The following MTFR1L variants were observed in gnomAD, a reference collection of about 807,000 sequenced individuals.
MTFR1L encodes the protein mitochondrial fission regulator 1 like, also known as mitochondrial fission regulator 1-like.
MTFR1L carries 10 observed loss-of-function variants against 27.9 expected under a neutral mutation model. That is an observed-to-expected ratio of 0.36 (90% confidence interval 0.22 to 0.61). The LOEUF is 0.61. MTFR1L is among the 20% of genes least tolerant of loss of function. The pLI is 0.73. For synonymous variants in MTFR1L, 151 were observed against 139.4 expected (o/e 1.08, Z -0.58); for missense variants, 315 against 363.7 (o/e 0.87, Z 1.09).
In MTFR1L at chr1:25,823,045, T is replaced by C; in HGVS notation, c.-60T>C. On this transcript the variant is annotated 5_prime_UTR_variant, in exon 2 of 7. Coordinates refer to ENST00000374303, the MANE Select transcript of MTFR1L (RefSeq NM_001099625.2). ...TGGCCTGATATGAAGGAGTCACGCC[T>C]CCCGCCTCCCGGAGCTGCCCAGTGG... 6.2e-7 allele frequency: 1 copy of C among 1,613,966 alleles called. No homozygotes were observed. Among genetic ancestry groups the C allele is most frequent in the Non-Finnish European group, 8.5e-7 (1 of 1,180,004 alleles).
In MTFR1L at chr1:25,826,585, A is replaced by AT; in HGVS notation, c.240-30_240-29insT. Reference sequence around the variant, plus strand: ...AGGAGCACAGTGGCCTGCTGTCTCTAACTGATCTACTTGGTTTTCCCTGGT... The same window carrying AT: ...AGGAGCACAGTGGCCTGCTGTCTCTATACTGATCTACTTGGTTTTCCCTGGT... On this transcript the variant is annotated intron_variant, in intron 4 of 6. Coordinates refer to ENST00000374303, the MANE Select transcript of MTFR1L (RefSeq NM_001099625.2). The surrounding 1 kb of genome is among the most constrained non-coding windows in gnomAD (Gnocchi z 4.1). 1.2e-6 allele frequency: 2 copies of AT among 1,613,510 alleles called. No homozygotes were observed. Among genetic ancestry groups the AT allele is most frequent in the Non-Finnish European group, 1.7e-6 (2 of 1,179,450 alleles).
At position 25,820,726 on chromosome 1, in the gene MTFR1L, C is replaced by T. The variant is rs528686254; in HGVS notation, c.-87+697C>T. ...TCTTCTAGCCAGTGACACTTGGGGG[C>T]GGGGGTGACAGCTGAGTTGGTGTTC... On this transcript the variant is annotated intron_variant, in intron 1 of 6. Transcript: ENST00000374303. 1.8e-3 allele frequency: 769 copies of T among 434,400 alleles called. 1 individual carries two copies. The highest frequency in any genetic ancestry group is 3.1e-3 in the Non-Finnish European group (681 of 219,100). 26.9% of individuals were successfully genotyped at this position (434,400 alleles called of 1,614,324 possible).
Position 25,820,354 on chromosome 1 carries a change from G to C in MTFR1L, c.-87+325G>C, listed in dbSNP as rs529776896. ...CGGAGGCTTCCGCGCACTCGGGTCCGGGTCCTGTGGGTCCAAGGGCCGCTG... is the reference window on the plus strand; with the variant it reads ...CGGAGGCTTCCGCGCACTCGGGTCCCGGTCCTGTGGGTCCAAGGGCCGCTG... On this transcript the variant is annotated intron_variant, in intron 1 of 6. Coordinates refer to ENST00000374303, the MANE Select transcript of MTFR1L (RefSeq NM_001099625.2). 1.8e-3 allele frequency: 819 copies of C among 455,708 alleles called. 2 individuals are homozygous for C. The highest frequency in any genetic ancestry group is 2.6e-3 in the South Asian group (165 of 64,496). 28.2% of individuals were successfully genotyped at this position (455,708 alleles called of 1,614,324 possible).
At chr1:25,825,228 G>A (rs2048152318) in intron 3 of MTFR1L, among the ~76,000 whole-genome samples, 1 of 152,118 alleles carries the variant, frequency 6.6e-6, no homozygotes, top group Admixed American at 6.6e-5. Context: ...AGCAGAAACA[G>A]TTGAATCTTA....
chr1:25,821,636 C>T, intron 1 of MTFR1L: 1 of 152,476 alleles, frequency 6.6e-6, no homozygotes, highest in Non-Finnish European at 1.5e-5. Context: ...GTCCAGGGCT[C>T]CCCAGTGACC....
Position 25,831,923 on chromosome 1 carries a change from A to C in MTFR1L, c.776A>C (p.Asn259Thr). The C allele has an allele frequency of 6.2e-7, 1 of 1,613,680 alleles. No homozygotes were observed. The highest frequency in any genetic ancestry group is 8.5e-7 in the Non-Finnish European group (1 of 1,179,566). Residue 259 changes from asparagine to threonine, a missense_variant and splice_region_variant, in exon 7 of 7, where the codon AAC (asparagine) becomes ACC (threonine). Transcript: ENST00000374303. ...TCAAGCTATTATTGTGTCTCTAGGAACCGGAGTTTATTGAAGGAGGAAGAC... is the reference window on the plus strand; with the variant it reads ...TCAAGCTATTATTGTGTCTCTAGGACCCGGAGTTTATTGAAGGAGGAAGAC... ...FHRMKQSQDL[N>T]RSLLKEEDPA...
At chr1:25,827,201 G>A (rs898462016) in intron 5 of MTFR1L, among the ~76,000 whole-genome samples, 3 of 150,764 alleles carry the variant, frequency 2.0e-5, no homozygotes, top group Admixed American at 6.6e-5. Flanking sequence ...GCAGTGGCAC[G>A]ATCTTAGTTC....
intron 1 of MTFR1L, chr1:25,820,494 C>T (rs776225557): frequency 2.1e-4 from 76 of 360,398 alleles, no homozygotes; most frequent in Non-Finnish European, 3.7e-4. Context: ...GGTCTCCGGC[C>T]ACTGCTGCGC....
In MTFR1L at chr1:25,826,153, A is replaced by G. The variant is rs2048164638; in HGVS notation, c.130-149A>G. On this transcript the variant is annotated intron_variant, in intron 3 of 6. Coordinates refer to ENST00000374303, the MANE Select transcript of MTFR1L (RefSeq NM_001099625.2). The surrounding 1 kb of genome is among the most constrained non-coding windows in gnomAD (Gnocchi z 4.1). ...CTGACTGTCATCTGGCCTCTGTTCA[A>G]TGTTTTCGACCAGGAACCTTCTTCT... 1 of 626,302 alleles carries G rather than the reference A, an allele frequency of 1.6e-6. No homozygotes were observed. The highest frequency in any genetic ancestry group is 2.8e-6 in the Non-Finnish European group (1 of 351,940). 38.8% of individuals were successfully genotyped at this position (626,302 alleles called of 1,614,324 possible).
chr1:25,827,287 C>T (rs1205752958), intron 5 of MTFR1L, among the ~76,000 whole-genome samples: 1 of 151,750 alleles, frequency 6.6e-6, no homozygotes, highest in Non-Finnish European at 1.5e-5. Flanking sequence ...AGGGGTGTGC[C>T]ACCAGGCCTG....
chr1:25,830,532 G>A (rs1557445630), intron 6 of MTFR1L, among the ~76,000 whole-genome samples: 1 of 152,180 alleles, frequency 6.6e-6, no homozygotes. Context: ...ATTGCATAGT[G>A]TTTCTCCAGT....
chr1:25,827,551 G>A (rs565695257), intron 5 of MTFR1L, among the ~76,000 whole-genome samples: 1 of 148,680 alleles, frequency 6.7e-6, no homozygotes, highest in Non-Finnish European at 1.5e-5. Context: ...AGCGATTCTC[G>A]TGCCTCAGCC....
intron 6 of MTFR1L, 86 bp downstream of exon 6, chr1:25,829,916 GTTC>G: frequency 1.0e-5 from 12 of 1,184,164 alleles, no homozygotes; most frequent in Non-Finnish European, 1.4e-5. Flanking sequence ...TACATAGTAA[GTTC>G]TTAGTAGTAC....
chr1:25,823,631 C>G lies in MTFR1L; in HGVS notation c.25-13C>G. On this transcript the variant is annotated splice_polypyrimidine_tract_variant and intron_variant, in intron 2 of 6. Transcript: ENST00000374303. ...TCTCTGGGGTTGTAGCTGTCTCCGT[C>G]TCTTTGCTCCAGACCATCCCAATCT... is the stretch of plus-strand genomic sequence containing the variant. 6.2e-7 allele frequency: 1 copy of G among 1,613,188 alleles called. No individual in the cohort carries two copies. Among genetic ancestry groups the G allele is most frequent in the African/African-American group, 1.3e-5 (1 of 75,018 alleles).
At chr1:25,822,867 TAA>T in intron 1 of MTFR1L, 150 bp from the exon 2 acceptor site, 1 of 27,240 alleles carries the variant, frequency 3.7e-5, no homozygotes, top group Non-Finnish European at 6.0e-5. Context: ...GACTTAGAGC[TAA>T]GTGTTGGGTG....
chr1:25,826,934 A>G lies in MTFR1L; in HGVS notation c.451+108A>G. On this transcript the variant is annotated intron_variant, in intron 5 of 6. Transcript: ENST00000374303. The surrounding 1 kb of genome is among the most constrained non-coding windows in gnomAD (Gnocchi z 4.1). ...GGTAATCCTTGGTTTGCAGGTACTT[A>G]GGTTCCGGGCCCTGGGGTTGTCCTG... is the stretch of plus-strand genomic sequence containing the variant. 7.9e-7 allele frequency: 1 copy of G among 1,269,368 alleles called. No individual in the cohort carries two copies. Among genetic ancestry groups the G allele is most frequent in the Non-Finnish European group, 1.1e-6 (1 of 912,944 alleles). 78.6% of individuals were successfully genotyped at this position (1,269,368 alleles called of 1,614,324 possible).
chr1:25,830,926 C>T (rs1204163562), intron 6 of MTFR1L, among the ~76,000 whole-genome samples: 1 of 152,204 alleles, frequency 6.6e-6, no homozygotes, highest in Admixed American at 6.5e-5. Flanking sequence ...TGGTCTTCCA[C>T]ATTCCCAAAT....
chr1:25,830,768 T>G (rs1207649647), intron 6 of MTFR1L, among the ~76,000 whole-genome samples: 1 of 152,222 alleles, frequency 6.6e-6, no homozygotes, highest in East Asian at 1.9e-4. Context: ...GATCCCTTTT[T>G]GTCTCCTGGG....
chr1:25,829,606 C>G lies in MTFR1L; in HGVS notation c.549C>G (p.Ser183=). 1 of 1,614,204 alleles carries G rather than the reference C, an allele frequency of 6.2e-7. No homozygotes were observed. The highest frequency in any genetic ancestry group is 2.2e-5 in the East Asian group (1 of 44,892). The stretch of plus-strand genomic sequence containing the variant: ...GATCCTCATTCCACTCTACAACTTC[C>G]TTTGTCATTAGTGACATCACCGAGG... ...CFGSSFHSTT[S]FVISDITEET... is the part of the protein sequence containing the mutation. The change falls in exon 6 of 7, where the codon TCC becomes TCG. Residue 183 remains serine, a synonymous_variant. Transcript: ENST00000374303.
Sources: gnomAD v4.1 joint callset for allele counts (sites outside exome capture counted in the v4.1 genomes callset) on GRCh38, gnomAD v4.1.1 for gene constraint, Gnocchi (gnomAD v3.1) non-coding constraint, MANE v1.5 for transcripts, NCBI Gene and HGNC (gene_info 2026-07-23, HGNC 2026-07-21) for gene names.